SPTBN1: variants seen among roughly 807,000 people sequenced by gnomAD.
The protein encoded by SPTBN1 is spectrin beta, non-erythrocytic 1.
SPTBN1 carries 32 observed loss-of-function variants against 266.4 expected under a neutral mutation model. The observed-to-expected ratio is 0.12, with a 90% CI of 0.09 to 0.16. The LOEUF is 0.16. SPTBN1 is among the 10% of genes least tolerant of loss of function. The pLI, the probability that SPTBN1 is intolerant of heterozygous loss-of-function variation, is 1.00. For missense variants in SPTBN1, 2,296 were observed against 3,067.1 expected, an observed-to-expected ratio of 0.75 and a Z score of 5.94; for synonymous variants, 1,336 against 1,162.2, an observed-to-expected ratio of 1.15 and a Z score of -3.04.
intron 1 of SPTBN1, among the ~76,000 whole-genome samples, chr2:54,479,055 G>A (rs1667982070): frequency 6.6e-6 from 1 of 152,182 alleles, no homozygotes; most frequent in African/African-American, 2.4e-5. Context: ...TGGCCAGGCT[G>A]AAGGAAAGTA....
At chr2:54,620,024 C>A (rs182257663) in intron 7 of SPTBN1, among the ~76,000 whole-genome samples, 12 of 152,344 alleles carry the variant, frequency 7.9e-5, no homozygotes, top group Non-Finnish European at 1.5e-4. Flanking sequence ...CTCTTCACAA[C>A]CTATCCCAAG....
Position 54,629,266 on chromosome 2 carries a change from G to A in SPTBN1, c.2132G>A (p.Gly711Glu). The change falls in exon 14 of 36, where the codon GGG (glycine) becomes GAG (glutamate). Residue 711 changes from glycine (G) to glutamate (E), a missense_variant. Gly to Glu is a moderately conservative substitution (Grantham distance 98). Around this residue, in one of 12 missense-constraint regions of SPTBN1, gnomAD observed 434 missense variants for 573.9 expected, o/e 0.76. Transcript: ENST00000356805. ...GEDMIAEEHF[G>E]SEKIRERIIY... ...GACATGATCGCGGAGGAGCACTTCGGGTCGGAGAAGATCCGTGAGAGGATC... is the reference window on the plus strand; with the variant it reads ...GACATGATCGCGGAGGAGCACTTCGAGTCGGAGAAGATCCGTGAGAGGATC... 6.2e-7 allele frequency: 1 copy of A among 1,614,048 alleles called. No individual in the cohort carries two copies. The highest frequency in any genetic ancestry group is 2.2e-5 in the East Asian group (1 of 44,882).
chr2:54,576,386 A>G (rs1573450928), intron 2 of SPTBN1, among the ~76,000 whole-genome samples: 1 of 152,034 alleles, frequency 6.6e-6, no homozygotes, highest in African/African-American at 2.4e-5. Flanking sequence ...GCTTTGGCCT[A>G]ATTAATAACT....
chr2:54,460,550 G>A (rs753068653), intron 1 of SPTBN1, among the ~76,000 whole-genome samples: 1 of 152,168 alleles, frequency 6.6e-6, no homozygotes, highest in Non-Finnish European at 1.5e-5. Context: ...TAACCCCTGA[G>A]CAAAGGGTCC....
intron 1 of SPTBN1, among the ~76,000 whole-genome samples, chr2:54,473,727 A>G (rs116705505): frequency 0.02 from 3,105 of 152,332 alleles, 44 homozygotes; most frequent in Non-Finnish European, 0.031. Flanking sequence ...GAATTCAGTC[A>G]TTCATTATAC....
chr2:54,545,917 G>A (rs1573383749), intron 2 of SPTBN1, among the ~76,000 whole-genome samples: 1 of 152,198 alleles, frequency 6.6e-6, no homozygotes, highest in East Asian at 1.9e-4. Context: ...GTGAGACACA[G>A]AGTGTGTATT....
Position 54,628,283 on chromosome 2 carries a change from G to T in SPTBN1, c.1798+33G>T. On this transcript the variant is annotated intron_variant, in intron 13 of 35. Transcript: ENST00000356805. The surrounding 1 kb of genome is among the most constrained non-coding windows in gnomAD (Gnocchi z 4.3). ...TGGCCCATTCCAAGCATTACCTCCG[G>T]GTCACCAGAGATTCATATTTATAGA... 4 of 1,581,058 alleles carry T rather than the reference G, an allele frequency of 2.5e-6. No individual in the cohort carries two copies. The highest frequency in any genetic ancestry group is 3.4e-6 in the Non-Finnish European group (4 of 1,164,184).
Position 54,558,004 on chromosome 2 carries a change from C to T in SPTBN1, c.148+31438C>T. The stretch of plus-strand genomic sequence containing the variant: ...GACGCTAGAGAGTGAATGAGCCGCG[C>T]GGGCCCGGGACCCTTGGGGCTCTTC... On this transcript the variant is annotated intron_variant, in intron 2 of 35. Transcript: ENST00000356805. This position sits in a 1 kb window ranked among gnomAD's most constrained non-coding sequence, Gnocchi z 4.6. The T allele has an allele frequency of 1.0e-6, 1 of 985,452 alleles. No individual in the cohort carries two copies. Among genetic ancestry groups the T allele is most frequent in the Non-Finnish European group, 1.2e-6 (1 of 829,932 alleles). The allele number at this position is 985,452 out of a possible 1,614,324, so 61.0% of individuals were successfully genotyped here. A position where few individuals can be genotyped will look rare whatever the true frequency, so the allele number is the denominator to read the frequency against.
intron 1 of SPTBN1, among the ~76,000 whole-genome samples, chr2:54,486,150 C>G (rs1668370222): frequency 7.2e-6 from 1 of 138,182 alleles, no homozygotes; most frequent in Admixed American, 7.2e-5. Context: ...GTGAGGGGCG[C>G]CTCTGCCCGG....
At chr2:54,521,675 G>A (rs555084932) in intron 1 of SPTBN1, among the ~76,000 whole-genome samples, 9 of 152,042 alleles carry the variant, frequency 5.9e-5, no homozygotes, top group African/African-American at 1.7e-4. Flanking sequence ...CACCGTGCCC[G>A]GCTAATTTTT....
chr2:54,597,096 A>G (rs1676140994), intron 2 of SPTBN1, among the ~76,000 whole-genome samples: 1 of 152,234 alleles, frequency 6.6e-6, no homozygotes, highest in Non-Finnish European at 1.5e-5. Flanking sequence ...CCCTTGCTTC[A>G]TTAAAGACAT....
At chr2:54,608,897 T>TA (rs1245762708) in intron 3 of SPTBN1, among the ~76,000 whole-genome samples, 1 of 152,158 alleles carries the variant, frequency 6.6e-6, no homozygotes, top group Non-Finnish European at 1.5e-5. Context: ...ACTGTAGTCT[T>TA]AAAGTAAGCT....
At chr2:54,538,277 G>C (rs1671727395) in intron 2 of SPTBN1, among the ~76,000 whole-genome samples, 1 of 152,214 alleles carries the variant, frequency 6.6e-6, no homozygotes, top group Non-Finnish European at 1.5e-5. Context: ...TTGTGAATAT[G>C]TGTGGTTGAT....
intron 2 of SPTBN1, among the ~76,000 whole-genome samples, chr2:54,534,241 C>T (rs757961576): frequency 1.2e-4 from 18 of 152,122 alleles, no homozygotes; most frequent in Non-Finnish European, 1.3e-4. Flanking sequence ...CTTTCCTGCC[C>T]CAAGGGAAAG....
rs182590108 is a variant in SPTBN1 at position 54,521,669 on chromosome 2, G to A, written c.-47-4703G>A. 4.7e-5 allele frequency among the ~76,000 whole-genome samples: 7 copies of A among 150,226 alleles called. No individual in the cohort carries two copies. The East Asian group carries it at 1.0e-3, about 22-fold the overall frequency. ...GCTGGGACTACGGGCACGTGCCACC[G>A]TGCCCGGCTAATTTTTATAGAGATA... On this transcript the variant is annotated intron_variant, in intron 1 of 35. Coordinates refer to ENST00000356805, the MANE Select transcript of SPTBN1 (RefSeq NM_003128.3).
chr2:54,646,505 C>T lies in SPTBN1; in HGVS notation c.4866+30C>T, dbSNP rs1400977217. Reference sequence around the variant, plus strand: ...GAGGAGGCGGGAAGCATCCCTGTCCCAGGAGAGCCTCAGATTCAAACCCTG... The same window carrying T: ...GAGGAGGCGGGAAGCATCCCTGTCCTAGGAGAGCCTCAGATTCAAACCCTG... On this transcript the variant is annotated intron_variant, in intron 23 of 35. Transcript: ENST00000356805. This position sits in a 1 kb window ranked among gnomAD's most constrained non-coding sequence, Gnocchi z 4.4. 1.4e-6 allele frequency: 2 copies of T among 1,467,334 alleles called. No homozygotes were observed. Among genetic ancestry groups the T allele is most frequent in the Non-Finnish European group, 1.8e-6 (2 of 1,110,068 alleles). 90.9% of individuals were successfully genotyped at this position (1,467,334 alleles called of 1,614,324 possible).
chr2:54,484,293 G>T (rs1668240645), intron 1 of SPTBN1, among the ~76,000 whole-genome samples: 1 of 152,180 alleles, frequency 6.6e-6, no homozygotes, highest in South Asian at 2.1e-4. Context: ...ACTTTTATAT[G>T]CTTGGGAATT....
intron 19 of SPTBN1, among the ~76,000 whole-genome samples, chr2:54,643,808 AC>A (rs1407077073): frequency 6.6e-6 from 1 of 152,062 alleles, no homozygotes; most frequent in Non-Finnish European, 1.5e-5. Context: ...ACATGGTGAA[AC>A]CCCATCTCTA....
Position 54,634,450 on chromosome 2 carries a change from A to G in SPTBN1, c.3767+1682A>G, listed in dbSNP as rs80185915. Among the ~76,000 whole-genome samples the G allele has an allele frequency of 5.6e-4, 86 of 152,354 alleles. 1 individual carries two copies. Among genetic ancestry groups the G allele is most frequent in the African/African-American group, 1.6e-3 (67 of 41,578 alleles). On this transcript the variant is annotated intron_variant, in intron 17 of 35. Coordinates refer to ENST00000356805, the MANE Select transcript of SPTBN1 (RefSeq NM_003128.3). ...ACGTAAAGATAACCCTGTACTATCA[A>G]TAAGCATAATAAAGATGGAAGGAGG...
Sources: allele counts gnomAD v4.1 joint callset (sites outside exome capture counted in the v4.1 genomes callset), GRCh38; gene constraint gnomAD v4.1.1; regional missense constraint gnomAD v4.1.1; non-coding constraint Gnocchi (gnomAD v3.1); transcripts MANE v1.5; gene names NCBI Gene and HGNC (gene_info 2026-07-23, HGNC 2026-07-21).